ADRA1A: variants seen among roughly 807,000 people sequenced by gnomAD.
ADRA1A encodes the protein alpha-1A adrenergic receptor.
In ADRA1A, 31 loss-of-function variants were observed where a neutral mutation model predicts 29.6. The observed-to-expected ratio is 1.05, with a 90% CI of 0.79 to 1.41. The LOEUF (loss-of-function observed/expected upper bound fraction) is 1.41, where lower values mean the gene tolerates loss of function less well. Among genes scored for constraint, ADRA1A ranks in the 40% most tolerant of loss-of-function variants. ADRA1A has a pLI of 0.00. For missense variants in ADRA1A, 619 were observed against 601.1 expected, an observed-to-expected ratio of 1.03 and a Z score of -0.31; for synonymous variants, 311 against 254.3, an observed-to-expected ratio of 1.22 and a Z score of -2.12.
intron 2 of ADRA1A, among the ~76,000 whole-genome samples, chr8:26,786,129 G>A (rs1436790717): frequency 2.6e-5 from 4 of 152,220 alleles, no homozygotes; most frequent in Admixed American, 6.6e-5. Context: ...CCATAGCATG[G>A]GCCATAGGGC....
chr8:26,861,303 G>GTCTTTT (rs534746452), intron 2 of ADRA1A, among the ~76,000 whole-genome samples: 2 of 119,674 alleles, frequency 1.7e-5, no homozygotes, highest in Admixed American at 1.8e-4. Flanking sequence ...CAGAGGCTCT[G>GTCTTTT]TTTTTTTTTT....
chr8:26,856,572 A>G (rs1272762454), intron 2 of ADRA1A, among the ~76,000 whole-genome samples: 1 of 152,170 alleles, frequency 6.6e-6, no homozygotes, highest in African/African-American at 2.4e-5. Context: ...ACATTAAGCC[A>G]GCCCCACTAA....
rs1474166549 is a variant in ADRA1A at position 26,769,398 on chromosome 8, G to T, written c.*751C>A. The T allele has an allele frequency of 1.0e-6, 1 of 985,384 alleles. No individual in the cohort carries two copies. Among genetic ancestry groups the T allele is most frequent in the South Asian group, 4.7e-5 (1 of 21,282 alleles). The allele number at this position is 985,384 out of a possible 1,614,324, so 61.0% of individuals were successfully genotyped here. A position where few individuals can be genotyped will look rare whatever the true frequency, so the allele number is the denominator to read the frequency against. Reference sequence around the variant, plus strand: ...CTAGTAGTTAAATTGAAAGAATGATGCTCAGGTCTATTGTTTTCTCTTGGG... The same window carrying T: ...CTAGTAGTTAAATTGAAAGAATGATTCTCAGGTCTATTGTTTTCTCTTGGG... On this transcript the variant is annotated 3_prime_UTR_variant, in exon 3 of 3. Transcript: ENST00000380573.
intron 2 of ADRA1A, among the ~76,000 whole-genome samples, chr8:26,793,036 G>GT (rs1011060830): frequency 6.6e-5 from 10 of 151,534 alleles, no homozygotes; most frequent in Non-Finnish European, 1.2e-4. Flanking sequence ...CTAAGCCTAG[G>GT]TAAAAAAAAT....
At chr8:26,867,343 C>T, upstream of ADRA1A, 2 of 985,330 alleles carry the variant, frequency 2.0e-6, no homozygotes, top group Non-Finnish European at 2.4e-6. Flanking sequence ...GCAACAGGCA[C>T]AAGTGCGTAT....
At chr8:26,786,171 C>T (rs1360625375) in intron 2 of ADRA1A, among the ~76,000 whole-genome samples, 5 of 152,198 alleles carry the variant, frequency 3.3e-5, no homozygotes, top group Non-Finnish European at 7.3e-5. Context: ...CCGCTCCTGG[C>T]CTGCCTTTCA....
At chr8:26,766,294 C>G (rs1805781164), downstream of ADRA1A, 1 of 654,074 alleles carries the variant, frequency 1.5e-6, no homozygotes, top group Non-Finnish European at 2.7e-6. Context: ...AATACAACAC[C>G]CGATATGTGT....
At chr8:26,840,208 C>T (rs1228002565) in intron 2 of ADRA1A, among the ~76,000 whole-genome samples, 1 of 152,168 alleles carries the variant, frequency 6.6e-6, no homozygotes, top group Non-Finnish European at 1.5e-5. Context: ...GAAGTCACAA[C>T]TGGATGCAGC....
At chr8:26,752,552 T>C (rs1200773357), downstream of ADRA1A, among the ~76,000 whole-genome samples, 1 of 152,244 alleles carries the variant, frequency 6.6e-6, no homozygotes, top group Non-Finnish European at 1.5e-5. Flanking sequence ...TGCAGCTTGA[T>C]TTTTCAGGCT....
At position 26,848,922 on chromosome 8, in the gene ADRA1A, A is replaced by C. The variant is rs1338196949; in HGVS notation, c.883+15165T>G. ...ACAAACTTCTGAAGGACTGAAGGAG[A>C]GAATCGCACTGCGGGTGACCCACTT... On this transcript the variant is annotated intron_variant, in intron 2 of 2. Coordinates refer to ENST00000380573, the MANE Select transcript of ADRA1A (RefSeq NM_000680.4). The surrounding 1 kb of genome is among the most constrained non-coding windows in gnomAD (Gnocchi z 4.3). Among the ~76,000 whole-genome samples the C allele has an allele frequency of 6.6e-6, 1 of 152,136 alleles. No individual in the cohort carries two copies. The highest frequency in any genetic ancestry group is 1.9e-4 in the East Asian group (1 of 5,182).
chr8:26,840,314 G>A (rs1179535891), intron 2 of ADRA1A, among the ~76,000 whole-genome samples: 1 of 152,098 alleles, frequency 6.6e-6, no homozygotes, highest in African/African-American at 2.4e-5. Context: ...GTAGCGGTTG[G>A]GTAGGAGAAG....
chr8:26,778,653 A>T (rs555753219), intron 2 of ADRA1A, among the ~76,000 whole-genome samples: 2 of 152,276 alleles, frequency 1.3e-5, no homozygotes, highest in Admixed American at 1.3e-4. Context: ...AGGGACATGG[A>T]TGAAGCTGGA....
chr8:26,800,903 A>G (rs1302093110), intron 2 of ADRA1A, among the ~76,000 whole-genome samples: 4 of 152,200 alleles, frequency 2.6e-5, no homozygotes, highest in Non-Finnish European at 5.9e-5. Flanking sequence ...TCCAAATTCA[A>G]CAACATATTA....
At chr8:26,839,075 G>A (rs185828133) in intron 2 of ADRA1A, among the ~76,000 whole-genome samples, 1 of 152,176 alleles carries the variant, frequency 6.6e-6, no homozygotes, top group East Asian at 1.9e-4. Flanking sequence ...TAAAGCATAT[G>A]ATATAATGAT....
downstream of ADRA1A, chr8:26,756,279 A>G: frequency 2.6e-6 from 1 of 380,176 alleles, no homozygotes; most frequent in African/African-American, 2.1e-5. Context: ...CTAAATGAAC[A>G]AGGCTTGTAC....
downstream of ADRA1A, among the ~76,000 whole-genome samples, chr8:26,755,011 T>C (rs942140973): frequency 6.6e-6 from 1 of 152,240 alleles, no homozygotes; most frequent in African/African-American, 2.4e-5. Flanking sequence ...AAAACTTGTT[T>C]TTTAAAAACA....
At chr8:26,839,190 C>T (rs577099907) in intron 2 of ADRA1A, among the ~76,000 whole-genome samples, 2 of 142,332 alleles carry the variant, frequency 1.4e-5, no homozygotes, top group East Asian at 2.1e-4. Context: ...GATGGAGCCT[C>T]GATCTACGCC....
chr8:26,860,577 T>C lies in ADRA1A; in HGVS notation c.883+3510A>G, dbSNP rs1480026616. Among the ~76,000 whole-genome samples the C allele has an allele frequency of 6.6e-6, 1 of 152,212 alleles. No individual in the cohort carries two copies. The stretch of plus-strand genomic sequence containing the variant: ...ATGTTTACTGTCCCACTCTCAAAGA[T>C]GAATCTTTCACACCTTCTCTGAGGC... On this transcript the variant is annotated intron_variant, in intron 2 of 2. Coordinates refer to ENST00000380573, the MANE Select transcript of ADRA1A (RefSeq NM_000680.4). The surrounding 1 kb of genome is among the most constrained non-coding windows in gnomAD (Gnocchi z 4.7).
chr8:26,825,263 T>C lies in ADRA1A; in HGVS notation c.883+38824A>G, dbSNP rs1488182306. Among the ~76,000 whole-genome samples the C allele has an allele frequency of 3.9e-5, 6 of 152,160 alleles. No homozygotes were observed. Among genetic ancestry groups the C allele is most frequent in the Admixed American group, 3.9e-4 (6 of 15,282 alleles). On this transcript the variant is annotated intron_variant, in intron 2 of 2. Coordinates refer to ENST00000380573, the MANE Select transcript of ADRA1A (RefSeq NM_000680.4). The surrounding 1 kb of genome is among the most constrained non-coding windows in gnomAD (Gnocchi z 5.7). ...GGGGGTCATAGAGATATCTTCACTC[T>C]CTAGCTTGTTTTCTTCTTTCTGATT...
Sources: gnomAD v4.1 joint callset for allele counts (sites outside exome capture counted in the v4.1 genomes callset) on GRCh38, gnomAD v4.1.1 for gene constraint, Gnocchi (gnomAD v3.1) non-coding constraint, MANE v1.5 for transcripts, NCBI Gene and HGNC (gene_info 2026-07-23, HGNC 2026-07-21) for gene names.